SYTL3: variants seen among roughly 807,000 people sequenced by gnomAD.
SYTL3 encodes the protein synaptotagmin-like protein 3.
In SYTL3, 88 loss-of-function variants were observed where a neutral mutation model predicts 82.1. The observed-to-expected ratio is 1.07, with a 90% confidence interval of 0.90 to 1.28. The LOEUF is 1.28. SYTL3 is among the 50% of genes most tolerant of loss of function. The probability of loss-of-function intolerance (pLI) is 0.00; values close to 1 mark genes in which losing one functional copy is unlikely to be tolerated. For missense variants in SYTL3, 831 were observed against 757.6 expected, an observed-to-expected ratio of 1.10 and a Z score of -1.14; for synonymous variants, 311 against 289.4, an observed-to-expected ratio of 1.07 and a Z score of -0.76.
intron 2 of SYTL3, 85 bp downstream of exon 2, chr6:158,651,927 T>A (rs922065493): frequency 6.6e-6 from 1 of 151,524 alleles, no homozygotes; most frequent in Non-Finnish European, 1.5e-5. Context: ...TATGTATTTT[T>A]ATTTTTTTTT....
intron 11 of SYTL3, 77 bp downstream of exon 11, chr6:158,725,714 T>C: frequency 6.5e-7 from 1 of 1,531,102 alleles, no homozygotes; most frequent in Non-Finnish European, 8.9e-7. Flanking sequence ...CAAGTCCTTA[T>C]TTCAATTACT....
At chr6:158,703,491 A>G (rs1389377653) in intron 6 of SYTL3, among the ~76,000 whole-genome samples, 2 of 152,218 alleles carry the variant, frequency 1.3e-5, no homozygotes, top group Non-Finnish European at 2.9e-5. Flanking sequence ...GTCAAAATTC[A>G]GGGCTCTTTA....
chr6:158,662,569 T>G (rs1175219903), intron 3 of SYTL3, among the ~76,000 whole-genome samples, 181 bp from the exon 4 acceptor site: 1 of 152,240 alleles, frequency 6.6e-6, no homozygotes, highest in Non-Finnish European at 1.5e-5. Context: ...AATTCAAGTT[T>G]GGAAGTTTGA....
chr6:158,720,630 G>A (rs1392293608), intron 10 of SYTL3, among the ~76,000 whole-genome samples: 1 of 152,138 alleles, frequency 6.6e-6, no homozygotes, highest in African/African-American at 2.4e-5. Context: ...TGAGTCACAG[G>A]AAACCACTCA....
chr6:158,658,658 C>G (rs768396830), intron 2 of SYTL3, among the ~76,000 whole-genome samples: 3 of 152,148 alleles, frequency 2.0e-5, no homozygotes, highest in Non-Finnish European at 4.4e-5. Context: ...GGCGCGGTAG[C>G]TCACGCCTAT....
At chr6:158,763,558 A>G in intron 17 of SYTL3, 49 bp downstream of exon 17, 1 of 1,515,156 alleles carries the variant, frequency 6.6e-7, no homozygotes, top group Non-Finnish European at 9.2e-7. Context: ...TGATTATCCT[A>G]ATGGGTACCG....
At chr6:158,711,768 G>T (rs891238072) in intron 8 of SYTL3, among the ~76,000 whole-genome samples, 13 of 152,194 alleles carry the variant, frequency 8.5e-5, no homozygotes, top group African/African-American at 2.9e-4. Flanking sequence ...CCTTTTTAGA[G>T]CATGTAGGGT....
At chr6:158,732,853 G>T (rs932937625) in intron 11 of SYTL3, among the ~76,000 whole-genome samples, 1 of 151,510 alleles carries the variant, frequency 6.6e-6, no homozygotes, top group Non-Finnish European at 1.5e-5. Flanking sequence ...AGTTCAATTG[G>T]CTATCCCTTT....
At chr6:158,667,609 G>C (rs1047266838) in intron 5 of SYTL3, among the ~76,000 whole-genome samples, 5 of 152,152 alleles carry the variant, frequency 3.3e-5, no homozygotes, top group Admixed American at 1.3e-4. Flanking sequence ...ACCTAGAAAA[G>C]GTTTTTGACC....
At chr6:158,708,749 T>C (rs779330586) in intron 8 of SYTL3, among the ~76,000 whole-genome samples, 3 of 151,988 alleles carry the variant, frequency 2.0e-5, no homozygotes. Context: ...TGTGTGTGAG[T>C]GGGAGTGTCT....
intron 11 of SYTL3, 25 bp from the exon 12 acceptor site, chr6:158,745,455 T>G (rs978615486): frequency 6.3e-7 from 1 of 1,590,412 alleles, no homozygotes; most frequent in South Asian, 1.1e-5. Flanking sequence ...AAGTAACTTA[T>G]TATATCTGTT....
At chr6:158,682,355 CTTTTTTTT>C (rs61526522) in intron 5 of SYTL3, among the ~76,000 whole-genome samples, 3 of 106,834 alleles carry the variant, frequency 2.8e-5, no homozygotes, top group African/African-American at 8.5e-5. Context: ...TTAACATTCA[CTTTTTTTT>C]TTTTTTTTTT....
At chr6:158,731,086 C>T (rs1322199178) in intron 11 of SYTL3, among the ~76,000 whole-genome samples, 1 of 151,852 alleles carries the variant, frequency 6.6e-6, no homozygotes, top group African/African-American at 2.4e-5. Context: ...AGATCGAGAC[C>T]ATCCTGGCCA....
At chr6:158,744,208 C>T (rs1033549320) in intron 11 of SYTL3, among the ~76,000 whole-genome samples, 4 of 151,588 alleles carry the variant, frequency 2.6e-5, no homozygotes, top group African/African-American at 9.7e-5. Context: ...TGAGCCACCA[C>T]GCCTGGTCTC....
intron 12 of SYTL3, among the ~76,000 whole-genome samples, chr6:158,747,951 C>A (rs1400152528): frequency 6.6e-6 from 1 of 151,964 alleles, no homozygotes; most frequent in Non-Finnish European, 1.5e-5. Context: ...TATGACTTTT[C>A]TTGTAGAAAG....
intron 12 of SYTL3, 131 bp from the exon 13 acceptor site, chr6:158,751,797 A>G (rs1332096875): frequency 7.6e-6 from 5 of 657,904 alleles, no homozygotes; most frequent in East Asian, 3.1e-5. Context: ...AGTCCTTTCT[A>G]TCAACCCAAA....
chr6:158,725,517 A>C lies in SYTL3; in HGVS notation c.735A>C (p.Pro245=). The C allele has an allele frequency of 6.2e-7, 1 of 1,614,158 alleles. No individual in the cohort carries two copies. The change falls in exon 11 of 18, where the codon CCA becomes CCC. Residue 245 remains proline (P), a synonymous_variant. Transcript: ENST00000611299. ...TCCTTCTCCAGAAGGTCAGTGCACC[A>C]GATATTCTGAAACCTCTCAATCAAG... ...VNVTTRKVSA[P]DILKPLNQED... is the part of the protein sequence containing the mutation.
chr6:158,651,725 A>G (rs1305968106), intron 1 of SYTL3, 28 bp from the exon 2 acceptor site: 1 of 151,742 alleles, frequency 6.6e-6, no homozygotes, highest in Non-Finnish European at 1.5e-5. Flanking sequence ...CTAAAGTAAT[A>G]TTTTTTGTTG....
intron 16 of SYTL3, 72 bp downstream of exon 16, chr6:158,762,250 C>A: frequency 9.1e-7 from 1 of 1,102,664 alleles, no homozygotes; most frequent in Non-Finnish European, 1.3e-6. Flanking sequence ...GAACCTGCAG[C>A]GAACACTAAA....
Sources: allele counts gnomAD v4.1 joint callset (sites outside exome capture counted in the v4.1 genomes callset), GRCh38; gene constraint gnomAD v4.1.1; transcripts MANE v1.5; gene names NCBI Gene and HGNC (gene_info 2026-07-23, HGNC 2026-07-21).